Variants in RAP1GDS1 observed in about 807,000 individuals in gnomAD.
RAP1GDS1 encodes RAP1, GTP-GDP dissociation stimulator 1.
In RAP1GDS1, 35 loss-of-function variants were observed where a neutral mutation model predicts 71.1. The observed-to-expected ratio is 0.49, with a 90% CI of 0.38 to 0.65. The LOEUF is 0.65. Among genes scored for constraint, RAP1GDS1 ranks in the 30% least tolerant of loss-of-function variants. The pLI, the probability that RAP1GDS1 is intolerant of heterozygous loss-of-function variation, is 0.00. For synonymous variants in RAP1GDS1, 229 were observed against 243.1 expected (o/e 0.94, Z 0.54); for missense variants, 663 against 706.1 (o/e 0.94, Z 0.69).
chr4:98,343,109 A>T, intron 2 of RAP1GDS1, 30 bp from the exon 3 acceptor site: 1 of 1,568,930 alleles, frequency 6.4e-7, no homozygotes, highest in Non-Finnish European at 8.6e-7. Context: ...AAAGATTTTC[A>T]CTGAAGCTCT....
chr4:98,279,654 C>T (rs1724764324), intron 1 of RAP1GDS1, among the ~76,000 whole-genome samples: 1 of 152,054 alleles, frequency 6.6e-6, no homozygotes, highest in South Asian at 2.1e-4. Context: ...TACATGTGCA[C>T]AACGTACAGG....
chr4:98,402,936 TAC>T, intron 6 of RAP1GDS1, among the ~76,000 whole-genome samples: 1 of 152,306 alleles, frequency 6.6e-6, no homozygotes, highest in African/African-American at 2.4e-5. Context: ...AACATATAAT[TAC>T]AAGTTATTAT....
intron 4 of RAP1GDS1, among the ~76,000 whole-genome samples, chr4:98,354,535 G>A (rs1010729122): frequency 1.3e-5 from 2 of 152,162 alleles, no homozygotes; most frequent in African/African-American, 4.8e-5. Context: ...TATGGGCATA[G>A]AGTAATTTTA....
At chr4:98,356,797 G>A (rs1395732102) in intron 4 of RAP1GDS1, among the ~76,000 whole-genome samples, 2 of 151,954 alleles carry the variant, frequency 1.3e-5, no homozygotes, top group East Asian at 3.9e-4. Flanking sequence ...TTAAAATGAG[G>A]TAGTAATCAG....
chr4:98,372,311 C>T (rs1473434836), intron 4 of RAP1GDS1, among the ~76,000 whole-genome samples: 8 of 152,106 alleles, frequency 5.3e-5, no homozygotes, highest in South Asian at 4.1e-4. Context: ...TATAGGTGCA[C>T]GCCACCATGC....
At chr4:98,424,674 T>C (rs1046327618) in intron 12 of RAP1GDS1, among the ~76,000 whole-genome samples, 8 of 151,818 alleles carry the variant, frequency 5.3e-5, no homozygotes, top group African/African-American at 1.2e-4. Flanking sequence ...GGCAGGAGAA[T>C]TGCTTGAACC....
intron 2 of RAP1GDS1, among the ~76,000 whole-genome samples, chr4:98,324,530 G>A (rs12512843): frequency 0.095 from 13,409 of 141,252 alleles, 744 homozygotes; most frequent in African/African-American, 0.17. Flanking sequence ...ATACTACAAG[G>A]CTACAGTAAC....
At chr4:98,416,334 GTTTTTTTTTTT>G (rs70955932) in intron 7 of RAP1GDS1, among the ~76,000 whole-genome samples, 113 of 51,552 alleles carry the variant, frequency 2.2e-3, no homozygotes, top group Non-Finnish European at 2.9e-3. Context: ...CATTTTCTTA[GTTTTTTTTTTT>G]TTTTTTTTTT....
intron 2 of RAP1GDS1, among the ~76,000 whole-genome samples, chr4:98,309,888 CAT>C (rs148917093): frequency 0.066 from 9,955 of 151,194 alleles, 366 homozygotes; most frequent in Admixed American, 0.13. Flanking sequence ...TATGTATATA[CAT>C]ATATATATAA....
chr4:98,288,266 G>A (rs1172631000), intron 1 of RAP1GDS1, among the ~76,000 whole-genome samples: 1 of 152,098 alleles, frequency 6.6e-6, no homozygotes, highest in East Asian at 1.9e-4. Flanking sequence ...CCACCTATGA[G>A]TGAGAACATG....
chr4:98,281,822 C>T (rs531788248), intron 1 of RAP1GDS1, among the ~76,000 whole-genome samples: 2 of 152,050 alleles, frequency 1.3e-5, no homozygotes, highest in Non-Finnish European at 2.9e-5. Context: ...GCATGAAGGG[C>T]TGTTGAATTT....
At chr4:98,262,231 T>G (rs1007163777) in intron 1 of RAP1GDS1, among the ~76,000 whole-genome samples, 9 of 152,214 alleles carry the variant, frequency 5.9e-5, no homozygotes, top group Non-Finnish European at 1.0e-4. Context: ...GTGTGCAATA[T>G]TCCCGTGCCC....
At chr4:98,269,453 A>G (rs1390514846) in intron 1 of RAP1GDS1, among the ~76,000 whole-genome samples, 4 of 152,168 alleles carry the variant, frequency 2.6e-5, no homozygotes, top group African/African-American at 9.6e-5. Flanking sequence ...CACAGGCAAC[A>G]AAAGCAAAAA....
intron 3 of RAP1GDS1, among the ~76,000 whole-genome samples, chr4:98,343,981 C>T (rs1475166895): frequency 1.3e-5 from 2 of 152,004 alleles, no homozygotes; most frequent in African/African-American, 4.8e-5. Flanking sequence ...TATTTTTTAG[C>T]CTTTTATTGT....
chr4:98,324,502 A>G (rs1398234725), intron 2 of RAP1GDS1, among the ~76,000 whole-genome samples: 17 of 146,890 alleles, frequency 1.2e-4, no homozygotes, highest in East Asian at 7.8e-4. Context: ...GAGACATCAC[A>G]CTACCTGACT....
intron 7 of RAP1GDS1, 119 bp downstream of exon 7, chr4:98,404,721 A>G: frequency 8.1e-7 from 1 of 1,231,282 alleles, no homozygotes; most frequent in South Asian, 1.4e-5. Context: ...GATATGTTTT[A>G]TTTTGCATAT....
chr4:98,281,085 CA>C (rs1456440072), intron 1 of RAP1GDS1, among the ~76,000 whole-genome samples: 2 of 152,164 alleles, frequency 1.3e-5, no homozygotes, highest in Non-Finnish European at 2.9e-5. Flanking sequence ...ATTGTCTTGG[CA>C]ATGTGGGCTC....
rs560425819 is a variant in RAP1GDS1, at chr4:98,416,377, C to T, written c.764-368C>T. ...TTTTTTTTTTTTTGAGACAGAGTCT[C>T]GCTCTATTGCCCAGGCTGGAGTGCA... On this transcript the variant is annotated intron_variant, in intron 7 of 14. Coordinates refer to ENST00000408927, the MANE Select transcript of RAP1GDS1 (RefSeq NM_001100427.2). Among the ~76,000 whole-genome samples the T allele has an allele frequency of 2.4e-3, 249 of 102,070 alleles. 1 individual carries two copies. The highest frequency in any genetic ancestry group is 9.1e-3 in the African/African-American group (234 of 25,734). 67.0% of individuals were successfully genotyped at this position (102,070 alleles called of 152,430 possible).
intron 12 of RAP1GDS1, among the ~76,000 whole-genome samples, chr4:98,428,383 G>A (rs781478523): frequency 1.3e-5 from 2 of 152,074 alleles, no homozygotes; most frequent in Non-Finnish European, 2.9e-5. Context: ...CTTTTGCATG[G>A]CAAAAGGAAC....
Sources: gnomAD v4.1 joint callset for allele counts (sites outside exome capture counted in the v4.1 genomes callset) on GRCh38, gnomAD v4.1.1 for gene constraint, MANE v1.5 for transcripts, NCBI Gene and HGNC (gene_info 2026-07-23, HGNC 2026-07-21) for gene names.